The following TENM2 variants were observed in gnomAD, a reference collection of about 807,000 sequenced individuals.
TENM2 encodes the protein teneurin-2.
TENM2 carries 52 observed loss-of-function variants against 245.2 expected under a neutral mutation model. The observed-to-expected ratio is 0.21, with a 90% CI of 0.17 to 0.27. The LOEUF is 0.27. TENM2 is among the 10% of genes least tolerant of loss of function. The pLI is 1.00. For missense variants in TENM2, 3,046 were observed against 3,666.8 expected, an observed-to-expected ratio of 0.83 and a Z score of 4.37; for synonymous variants, 1,363 against 1,438.9, an observed-to-expected ratio of 0.95 and a Z score of 1.19.
chr5:168,118,295 C>T (rs1248849778), exon 10 of TENM2: 3 of 1,565,064 alleles, frequency 1.9e-6, no homozygotes, highest in Non-Finnish European at 2.6e-6. Flanking sequence ...TGTGCAGCTG[C>T]CTGCCCTGTC....
the TENM2 span, among the ~76,000 whole-genome samples, chr5:167,163,234 G>A: frequency 2.4e-4 from 37 of 152,104 alleles, 1 homozygote; most frequent in East Asian, 6.2e-3. Flanking sequence ...CCTGAATATC[G>A]GGGACTACAG....
chr5:167,426,048 G>C lies in TENM2; in HGVS notation c.502+50575G>C, dbSNP rs1763797871. On this transcript the variant is annotated intron_variant, in intron 2 of 28. Coordinates refer to ENST00000518659, the Ensembl canonical transcript of TENM2. The stretch of plus-strand genomic sequence containing the variant: ...ATAACCTGCCACCCTCCTCATTTTT[G>C]TTACTGGGAATGAAATCGACTTCAA... 2.0e-5 allele frequency among the ~76,000 whole-genome samples: 3 copies of C among 151,978 alleles called. No individual in the cohort carries two copies. In the South Asian group the frequency reaches 6.2e-4, roughly 32 times the overall value.
At chr5:167,326,540 G>A (rs113278526) in intron 1 of TENM2, among the ~76,000 whole-genome samples, 1 of 151,698 alleles carries the variant, frequency 6.6e-6, no homozygotes, top group East Asian at 1.9e-4. Flanking sequence ...AGACGTGGTG[G>A]TGCACGCGTG....
At chr5:167,450,114 CT>C (rs1214878821) in intron 2 of TENM2, among the ~76,000 whole-genome samples, 1 of 152,088 alleles carries the variant, frequency 6.6e-6, no homozygotes, top group Non-Finnish European at 1.5e-5. Flanking sequence ...ATTCTTTCCC[CT>C]GTCTACTGTT....
chr5:167,693,441 A>G (rs1473572865), intron 2 of TENM2, among the ~76,000 whole-genome samples: 1 of 152,176 alleles, frequency 6.6e-6, no homozygotes, highest in Non-Finnish European at 1.5e-5. Flanking sequence ...TGTAAGATGC[A>G]TTGGGTTTCC....
the TENM2 span, among the ~76,000 whole-genome samples, chr5:167,008,866 T>C: frequency 6.6e-6 from 1 of 152,160 alleles, no homozygotes; most frequent in Non-Finnish European, 1.5e-5. Flanking sequence ...CTTGAGTGAA[T>C]GCAGACAGTC....
chr5:167,235,409 G>A, the TENM2 span, among the ~76,000 whole-genome samples: 15 of 152,048 alleles, frequency 9.9e-5, no homozygotes, highest in East Asian at 1.9e-4. Flanking sequence ...TCTCACATGC[G>A]CAGCTCAACT....
the TENM2 span, among the ~76,000 whole-genome samples, chr5:167,214,451 C>T: frequency 1.3e-5 from 2 of 152,154 alleles, no homozygotes; most frequent in African/African-American, 4.8e-5. Flanking sequence ...AATTCAGAAC[C>T]TTCCTGCATT....
intron 2 of TENM2, among the ~76,000 whole-genome samples, chr5:167,506,942 G>C (rs997583512): frequency 1.3e-5 from 2 of 152,092 alleles, no homozygotes; most frequent in African/African-American, 4.8e-5. Flanking sequence ...GTTTGTGAAA[G>C]TTCCATCTTC....
chr5:167,897,291 C>CTTTTTTTTT (rs35104265), intron 3 of TENM2, among the ~76,000 whole-genome samples: 1 of 148,996 alleles, frequency 6.7e-6, no homozygotes, highest in Non-Finnish European at 1.5e-5. Flanking sequence ...GAACTGGTAC[C>CTTTTTTTTT]TTTTTTTTTT....
At chr5:167,340,686 A>G (rs1758043377) in intron 1 of TENM2, among the ~76,000 whole-genome samples, 1 of 152,224 alleles carries the variant, frequency 6.6e-6, no homozygotes, top group South Asian at 2.1e-4. Flanking sequence ...AGTCCATGAT[A>G]TATTTTTTAT....
At chr5:167,393,617 G>C (rs992386379) in intron 2 of TENM2, among the ~76,000 whole-genome samples, 3 of 152,098 alleles carry the variant, frequency 2.0e-5, no homozygotes. Context: ...GGTCATAGAG[G>C]GTGTCACAGA....
At chr5:167,339,334 A>T (rs1275785213) in intron 1 of TENM2, among the ~76,000 whole-genome samples, 3 of 152,192 alleles carry the variant, frequency 2.0e-5, no homozygotes, top group African/African-American at 7.2e-5. Context: ...GGAAGGGCTG[A>T]CAGATCTCTG....
intron 25 of TENM2, among the ~76,000 whole-genome samples, chr5:168,237,970 G>A (rs1019318176): frequency 2.0e-5 from 3 of 151,124 alleles, no homozygotes; most frequent in Admixed American, 6.6e-5. Context: ...GTGAAACCCC[G>A]TCTCTACTAA....
chr5:166,983,997 C>A, the TENM2 span, among the ~76,000 whole-genome samples: 1 of 152,154 alleles, frequency 6.6e-6, no homozygotes, highest in South Asian at 2.1e-4. Flanking sequence ...GTATAGAACC[C>A]AGCTTTCAAA....
chr5:168,091,154 C>T (rs1487789140), intron 8 of TENM2, among the ~76,000 whole-genome samples: 1 of 152,088 alleles, frequency 6.6e-6, no homozygotes, highest in Non-Finnish European at 1.5e-5. Flanking sequence ...ATATAAATCT[C>T]TAAGCATATA....
At chr5:167,210,609 G>T in the TENM2 span, among the ~76,000 whole-genome samples, 1 of 150,464 alleles carries the variant, frequency 6.6e-6, no homozygotes, top group Admixed American at 6.6e-5. Flanking sequence ...GACTACAGGC[G>T]CCCGCCACCG....
intron 2 of TENM2, among the ~76,000 whole-genome samples, chr5:167,544,398 A>T (rs1208030493): frequency 6.6e-6 from 1 of 152,204 alleles, no homozygotes; most frequent in African/African-American, 2.4e-5. Flanking sequence ...GCCATTTAGC[A>T]TAATAATACC....
upstream of TENM2, among the ~76,000 whole-genome samples, chr5:167,282,878 A>G (rs986647426): frequency 6.6e-6 from 1 of 152,076 alleles, no homozygotes; most frequent in African/African-American, 2.4e-5. Flanking sequence ...CAAAAACACT[A>G]CTTAATGTCC....
Sources: gnomAD v4.1 joint callset for allele counts (sites outside exome capture counted in the v4.1 genomes callset) on GRCh38, gnomAD v4.1.1 for gene constraint, MANE v1.5 for transcripts, NCBI Gene and HGNC (gene_info 2026-07-23, HGNC 2026-07-21) for gene names.